Variants in PCSK2 observed in about 807,000 individuals in gnomAD.
The protein encoded by PCSK2 is proprotein convertase subtilisin/kexin type 2.
Under a neutral mutation model 69.7 loss-of-function variants are expected in PCSK2, and 14 were observed. The ratio of observed to expected loss-of-function variants is 0.20; its 90% confidence interval spans 0.13 to 0.31. The LOEUF is 0.31. Ranked by LOEUF, PCSK2 falls within the 10% of genes least tolerant of loss-of-function variation. The pLI is 1.00. For synonymous variants in PCSK2, 307 were observed against 320.7 expected, an observed-to-expected ratio of 0.96 and a Z score of 0.46; for missense variants, 544 against 842.5, an observed-to-expected ratio of 0.65 and a Z score of 4.39.
intron 1 of PCSK2, among the ~76,000 whole-genome samples, chr20:17,247,746 G>C (rs1986819521): frequency 6.6e-6 from 1 of 152,248 alleles, no homozygotes; most frequent in African/African-American, 2.4e-5. Flanking sequence ...AGCATCTACA[G>C]ATTCCCTAAG....
intron 8 of PCSK2, among the ~76,000 whole-genome samples, chr20:17,447,486 TC>T (rs1294533584): frequency 1.2e-4 from 19 of 152,304 alleles, no homozygotes; most frequent in African/African-American, 4.3e-4. Flanking sequence ...AAATGACAAT[TC>T]TAAATTATGA....
chr20:17,305,329 T>G (rs765410267), intron 2 of PCSK2, among the ~76,000 whole-genome samples: 2 of 149,398 alleles, frequency 1.3e-5, no homozygotes, highest in East Asian at 2.1e-4. Flanking sequence ...AATGAAAATG[T>G]TTTTTTTTGA....
At chr20:17,432,568 TC>T (rs1251734383) in intron 7 of PCSK2, among the ~76,000 whole-genome samples, 6 of 152,252 alleles carry the variant, frequency 3.9e-5, no homozygotes, top group Non-Finnish European at 7.3e-5. Flanking sequence ...TTTCCTTCTT[TC>T]TTTTTTCATT....
chr20:17,416,654 C>T (rs749577180), intron 6 of PCSK2, among the ~76,000 whole-genome samples: 9 of 152,166 alleles, frequency 5.9e-5, no homozygotes, highest in African/African-American at 1.2e-4. Context: ...TCATTTGACC[C>T]AGCAATCCAA....
intron 6 of PCSK2, among the ~76,000 whole-genome samples, chr20:17,422,774 A>G (rs542653654): frequency 2.2e-4 from 33 of 152,348 alleles, no homozygotes; most frequent in African/African-American, 7.9e-4. Flanking sequence ...TAGGGTTAGC[A>G]TACAGAGAGA....
At chr20:17,360,027 C>T (rs6075199) in intron 3 of PCSK2, among the ~76,000 whole-genome samples, 24,607 of 152,178 alleles carry the variant, frequency 0.16, 2,321 homozygotes, top group Middle Eastern at 0.27. Context: ...TTGAACAAGA[C>T]TTAGTGTGGT....
chr20:17,466,585 G>A (rs2033105143), intron 11 of PCSK2, among the ~76,000 whole-genome samples: 1 of 152,170 alleles, frequency 6.6e-6, no homozygotes, highest in African/African-American at 2.4e-5. Flanking sequence ...AAGTGGATTG[G>A]TCAGTAAGGA....
intron 1 of PCSK2, among the ~76,000 whole-genome samples, chr20:17,258,630 G>T (rs868221372): frequency 6.6e-6 from 1 of 152,092 alleles, no homozygotes; most frequent in East Asian, 1.9e-4. Flanking sequence ...CCCATGACAC[G>T]TGTTTACCTA....
chr20:17,373,366 G>A (rs1167446870), intron 5 of PCSK2, among the ~76,000 whole-genome samples: 1 of 152,162 alleles, frequency 6.6e-6, no homozygotes, highest in Non-Finnish European at 1.5e-5. Flanking sequence ...GGGTATTTAT[G>A]TGACAACTTC....
chr20:17,431,032 TCTC>T (rs1380098433), intron 7 of PCSK2, among the ~76,000 whole-genome samples: 7 of 152,098 alleles, frequency 4.6e-5, no homozygotes, highest in Non-Finnish European at 7.4e-5. Flanking sequence ...TGTATCTAAT[TCTC>T]CTGCTGTCTT....
rs1294198882 is a variant in PCSK2 at position 17,269,311 on chromosome 20, G to GGGTA, written c.282+8968_282+8971dup. Among the ~76,000 whole-genome samples, 3 of 152,162 alleles carry GGGTA rather than the reference G, an allele frequency of 2.0e-5. No homozygotes were observed. The East Asian group carries it at 5.8e-4, about 29-fold the overall frequency. On this transcript the variant is annotated intron_variant, in intron 2 of 11. Transcript: ENST00000262545. ...AGAAGATTTGTGGGACTGAGCCCTA[G>GGGTA]GGTACTCTAAGATTTAGAAGTCAAA...
intron 2 of PCSK2, among the ~76,000 whole-genome samples, chr20:17,319,637 G>A (rs1231848499): frequency 6.6e-6 from 1 of 152,030 alleles, no homozygotes; most frequent in African/African-American, 2.4e-5. Flanking sequence ...ACTTGGCCAG[G>A]TCTAGGGCCA....
chr20:17,465,077 T>C, intron 10 of PCSK2: 1 of 519,888 alleles, frequency 1.9e-6, no homozygotes, highest in Non-Finnish European at 3.5e-6. Flanking sequence ...TTCCGGTGTG[T>C]GTGTTAGAAT....
rs1332379636 is a variant in PCSK2, at chr20:17,284,195, C to T, written c.282+23851C>T. ...TTCTCACTTGGGAACATTGTTCCCA[C>T]TAAATGGAGAGATGGAGGTTTATGG... On this transcript the variant is annotated intron_variant, in intron 2 of 11. Transcript: ENST00000262545. Among the ~76,000 whole-genome samples, 4 of 152,182 alleles carry T rather than the reference C, an allele frequency of 2.6e-5. No homozygotes were observed. In the South Asian group the frequency reaches 6.2e-4, roughly 24 times the overall value.
chr20:17,407,064 C>T (rs1390443560), intron 5 of PCSK2, among the ~76,000 whole-genome samples: 3 of 152,148 alleles, frequency 2.0e-5, no homozygotes, highest in Non-Finnish European at 4.4e-5. Context: ...TAGTTCTCAG[C>T]GTCACATCCT....
chr20:17,453,406 A>T lies in PCSK2; in HGVS notation c.886-336A>T, dbSNP rs1358977748. Among the ~76,000 whole-genome samples the T allele has an allele frequency of 1.3e-5, 2 of 152,230 alleles. No homozygotes were observed. The highest frequency in any genetic ancestry group is 4.8e-5 in the African/African-American group (2 of 41,464). On this transcript the variant is annotated intron_variant, in intron 8 of 11. Transcript: ENST00000262545. The surrounding 1 kb of genome is among the most constrained non-coding windows in gnomAD (Gnocchi z 4.0). ...TTGTTTTTTATTTTCCTTTCCATACAGTTAGACTTTTCATTGTGAGCATGT... is the reference window on the plus strand; with the variant it reads ...TTGTTTTTTATTTTCCTTTCCATACTGTTAGACTTTTCATTGTGAGCATGT...
intron 2 of PCSK2, among the ~76,000 whole-genome samples, chr20:17,352,008 G>T (rs1018805867): frequency 4.6e-5 from 7 of 152,136 alleles, no homozygotes; most frequent in African/African-American, 1.2e-4. Flanking sequence ...TAACATTTGG[G>T]TTACAAAATC....
chr20:17,382,150 A>T (rs1325057933), intron 5 of PCSK2, among the ~76,000 whole-genome samples: 1 of 152,124 alleles, frequency 6.6e-6, no homozygotes, highest in Non-Finnish European at 1.5e-5. Flanking sequence ...ACGAAGTATG[A>T]GAACCATGTG....
chr20:17,434,184 A>G (rs1226050925), intron 7 of PCSK2, among the ~76,000 whole-genome samples: 2 of 22,148 alleles, frequency 9.0e-5, no homozygotes, highest in African/African-American at 4.2e-4. Context: ...CTCTCCCTCT[A>G]TCTACGCTCT....
Sources: allele counts gnomAD v4.1 joint callset (sites outside exome capture counted in the v4.1 genomes callset), GRCh38; gene constraint gnomAD v4.1.1; non-coding constraint Gnocchi (gnomAD v3.1); transcripts MANE v1.5; gene names NCBI Gene and HGNC (gene_info 2026-07-23, HGNC 2026-07-21).